The following NOMO1 variants were observed in gnomAD, a reference collection of about 807,000 sequenced individuals.
NOMO1 encodes the protein nodal modulator 3.
NOMO1 carries 40 observed loss-of-function variants against 133.8 expected under a neutral mutation model. The ratio of observed to expected loss-of-function variants is 0.30; its 90% CI spans 0.23 to 0.39. The LOEUF (loss-of-function observed/expected upper bound fraction) is 0.39, where lower values mean the gene tolerates loss of function less well. NOMO1 is among the 10% of genes least tolerant of loss of function. The pLI is 1.00. For synonymous variants in NOMO1, 236 were observed against 570.5 expected, an observed-to-expected ratio of 0.41 and a Z score of 8.36; for missense variants, 462 against 1,419.9, an observed-to-expected ratio of 0.33 and a Z score of 10.84.
At chr16:14,850,159 C>T (rs1006313954) in intron 6 of NOMO1, among the ~76,000 whole-genome samples, 16 of 148,884 alleles carry the variant, frequency 1.1e-4, no homozygotes, top group Admixed American at 9.4e-4. Flanking sequence ...CAACCTCCGC[C>T]TCTTGGGTTC....
chr16:14,835,302 C>G (rs1192344007), intron 1 of NOMO1, among the ~76,000 whole-genome samples: 1 of 150,956 alleles, frequency 6.6e-6, no homozygotes, highest in Non-Finnish European at 1.5e-5. Context: ...ATGAATCTAC[C>G]CACTGGCAGC....
Position 14,878,847 on chromosome 16 carries a change from G to C in NOMO1, c.2757+13G>C, listed in dbSNP as rs574673933. ...ATTCTCAAACCTGGTAACGTGTTCT[G>C]CAATTTACCACCTGCCTGTCTTCCC... On this transcript the variant is annotated intron_variant, in intron 23 of 30. Coordinates refer to ENST00000287667, the MANE Select transcript of NOMO1 (RefSeq NM_014287.4). 4.4e-6 allele frequency: 7 copies of C among 1,605,918 alleles called. No individual in the cohort carries two copies. In the South Asian group the frequency reaches 5.5e-5, roughly 13 times the overall value.
At chr16:14,843,676 T>C (rs1487810254) in intron 3 of NOMO1, among the ~76,000 whole-genome samples, 1 of 151,094 alleles carries the variant, frequency 6.6e-6, no homozygotes, top group Non-Finnish European at 1.5e-5. Flanking sequence ...TTTTGTAAGA[T>C]TCCTGTTCAA....
intron 26 of NOMO1, 38 bp downstream of exon 26, chr16:14,882,715 G>A (rs1446615675): frequency 1.2e-6 from 2 of 1,611,604 alleles, no homozygotes; most frequent in Admixed American, 1.7e-5. Context: ...CTGGGTGTGG[G>A]TGCCTCCCTG....
chr16:14,877,865 A>G (rs905013618), intron 22 of NOMO1, among the ~76,000 whole-genome samples: 7 of 136,008 alleles, frequency 5.1e-5, no homozygotes, highest in East Asian at 4.5e-4. Context: ...TTTAAAGTGC[A>G]TGTATCCAAC....
chr16:14,871,559 C>A, intron 16 of NOMO1, 62 bp from the exon 17 acceptor site: 1 of 1,608,630 alleles, frequency 6.2e-7, no homozygotes, highest in South Asian at 1.1e-5. Context: ...TTTCAGATGT[C>A]GGAATTGCTC....
intron 16 of NOMO1, among the ~76,000 whole-genome samples, chr16:14,869,654 G>T (rs1368632682): frequency 6.7e-6 from 1 of 148,686 alleles, no homozygotes; most frequent in Non-Finnish European, 1.5e-5. Context: ...TCAGTTGGTG[G>T]ATATTTGAGT....
At chr16:14,886,170 C>T (rs962161882) in intron 27 of NOMO1, among the ~76,000 whole-genome samples, 2 of 151,740 alleles carry the variant, frequency 1.3e-5, no homozygotes, top group Non-Finnish European at 2.9e-5. Flanking sequence ...CAAAGTACTC[C>T]AGTGCCTCCT....
intron 27 of NOMO1, among the ~76,000 whole-genome samples, chr16:14,886,300 CA>C (rs1964323634): frequency 7.2e-6 from 1 of 139,158 alleles, no homozygotes; most frequent in Admixed American, 7.3e-5. Flanking sequence ...CAGGAGTCGT[CA>C]GGGGGTTGAG....
At chr16:14,866,107 G>C (rs1194539602) in intron 14 of NOMO1, among the ~76,000 whole-genome samples, 1 of 148,190 alleles carries the variant, frequency 6.7e-6, no homozygotes, top group Admixed American at 6.7e-5. Flanking sequence ...ACCCAGGCCG[G>C]AGTGTGGTGG....
At chr16:14,857,756 C>T (rs1333417374) in intron 11 of NOMO1, 101 bp downstream of exon 11, 7 of 1,427,204 alleles carry the variant, frequency 4.9e-6, no homozygotes, top group Non-Finnish European at 6.7e-6. Flanking sequence ...AGCTTAAGAA[C>T]TTAAGAAAGA....
intron 1 of NOMO1, among the ~76,000 whole-genome samples, chr16:14,836,347 C>A (rs1188421011): frequency 2.0e-5 from 3 of 152,018 alleles, no homozygotes; most frequent in African/African-American, 7.3e-5. Flanking sequence ...CAGGCTTAAC[C>A]TTATTTCACA....
chr16:14,891,952 C>T (rs1219522148), intron 29 of NOMO1, among the ~76,000 whole-genome samples: 33 of 152,074 alleles, frequency 2.2e-4, no homozygotes, highest in East Asian at 2.1e-3. Context: ...TAGAAAGTGC[C>T]GGAGAGGGCT....
At position 14,882,681 on chromosome 16, in the gene NOMO1, A is replaced by C. The variant is rs1964261590; in HGVS notation, c.3111+4A>C. ...CCCCCACCATAGGGTGATTGAGGTA[A>C]GGCATTCAGTGCTGCCGCTGCACCT... On this transcript the variant is annotated splice_donor_region_variant and intron_variant, in intron 26 of 30. Coordinates refer to ENST00000287667, the MANE Select transcript of NOMO1 (RefSeq NM_014287.4). 6.2e-7 allele frequency: 1 copy of C among 1,611,568 alleles called. No individual in the cohort carries two copies. Among genetic ancestry groups the C allele is most frequent in the Admixed American group, 1.7e-5 (1 of 59,980 alleles).
At position 14,875,602 on chromosome 16, in the gene NOMO1, TTGGATGGATGGATGGATGGA is replaced by T. The variant is rs1166983816; in HGVS notation, c.2356+203_2356+222del. Among the ~76,000 whole-genome samples, 242 of 149,354 alleles carry T rather than the reference TTGGATGGATGGATGGATGGA, an allele frequency of 1.6e-3. 1 individual carries two copies. Among genetic ancestry groups the T allele is most frequent in the African/African-American group, 5.7e-3 (231 of 40,258 alleles). On this transcript the variant is annotated intron_variant, in intron 20 of 30. Transcript: ENST00000287667. The stretch of plus-strand genomic sequence containing the variant: ...ATGGATGGATGGATGGATGGTTGGG[TTGGATGGATGGATGGATGGA>T]TGGATGGATGGATGGATGGATGAAT...
chr16:14,889,763 T>TG (rs1489231603), intron 29 of NOMO1, among the ~76,000 whole-genome samples: 3 of 150,144 alleles, frequency 2.0e-5, no homozygotes, highest in Admixed American at 2.0e-4. Context: ...AAACTGGTAA[T>TG]AAGAGCAGTG....
chr16:14,866,809 C>G, intron 15 of NOMO1, 118 bp downstream of exon 15: 1 of 1,601,862 alleles, frequency 6.2e-7, no homozygotes, highest in East Asian at 2.3e-5. Context: ...TTTTCTGCCT[C>G]TCCACTCGCC....
Position 14,876,648 on chromosome 16 carries a change from G to C in NOMO1, c.2517-16G>C. 6.2e-7 allele frequency: 1 copy of C among 1,610,568 alleles called. No individual in the cohort carries two copies. Among genetic ancestry groups the C allele is most frequent in the Non-Finnish European group, 8.5e-7 (1 of 1,179,530 alleles). ...TGAACAAAGCCGTTGCTAGCATTCT[G>C]CTCTCTCCTCTTCAGTGTTGGCCCC... is the stretch of plus-strand genomic sequence containing the variant. On this transcript the variant is annotated splice_polypyrimidine_tract_variant and intron_variant, in intron 21 of 30. Coordinates refer to ENST00000287667, the MANE Select transcript of NOMO1 (RefSeq NM_014287.4).
At position 14,836,202 on chromosome 16, in the gene NOMO1, C is replaced by G. The variant is rs1053052024; in HGVS notation, c.165+2186C>G. ...TAACCGGTCTAGGCTGGTGAATTTC[C>G]AGTCCCTGCCTTAAATGCATGTATC... On this transcript the variant is annotated intron_variant, in intron 1 of 30. Coordinates refer to ENST00000287667, the MANE Select transcript of NOMO1 (RefSeq NM_014287.4). Among the ~76,000 whole-genome samples, 3 of 152,018 alleles carry G rather than the reference C, an allele frequency of 2.0e-5. 1 individual carries two copies. The highest frequency in any genetic ancestry group is 4.4e-5 in the Non-Finnish European group (3 of 68,002).
Sources: allele counts gnomAD v4.1 joint callset (sites outside exome capture counted in the v4.1 genomes callset), GRCh38; gene constraint gnomAD v4.1.1; transcripts MANE v1.5; gene names NCBI Gene and HGNC (gene_info 2026-07-23, HGNC 2026-07-21).